Variants in HS6ST3 observed in about 807,000 individuals in gnomAD.
HS6ST3 encodes the protein heparan sulfate 6-O-sulfotransferase 3, also known as heparan-sulfate 6-O-sulfotransferase 3.
A neutral mutation model predicts 36.7 loss-of-function variants in HS6ST3; 12 were observed. The observed-to-expected ratio is 0.33, with a 90% CI of 0.21 to 0.53. The LOEUF (loss-of-function observed/expected upper bound fraction) is 0.53. HS6ST3 is among the 20% of genes least tolerant of loss of function. The pLI is 0.95. For missense variants in HS6ST3, 584 were observed against 640.9 expected, an observed-to-expected ratio of 0.91 and a Z score of 0.96; for synonymous variants, 240 against 257.5, an observed-to-expected ratio of 0.93 and a Z score of 0.65.
chr13:96,655,610 A>G (rs2056622008), intron 1 of HS6ST3, among the ~76,000 whole-genome samples: 1 of 152,144 alleles, frequency 6.6e-6, no homozygotes, highest in Non-Finnish European at 1.5e-5. Context: ...AGCCATCTCT[A>G]GGAAAAAAAA....
At chr13:96,190,507 T>TATTC (rs374761040) in intron 1 of HS6ST3, among the ~76,000 whole-genome samples, 205 of 152,284 alleles carry the variant, frequency 1.3e-3, no homozygotes, top group South Asian at 2.5e-3. Flanking sequence ...TGCAATCAGT[T>TATTC]ATTCATTCAT....
chr13:96,308,142 T>G (rs2139407630), intron 1 of HS6ST3, among the ~76,000 whole-genome samples: 1 of 152,244 alleles, frequency 6.6e-6, no homozygotes, highest in East Asian at 1.9e-4. Context: ...AAAATAGTTA[T>G]TCTTATATTT....
intron 1 of HS6ST3, among the ~76,000 whole-genome samples, chr13:96,141,305 C>T (rs957212192): frequency 6.6e-6 from 1 of 152,046 alleles, no homozygotes; most frequent in Non-Finnish European, 1.5e-5. Context: ...TCCAAAGATG[C>T]TTTATTCCTA....
chr13:96,758,018 C>T (rs994836396), intron 1 of HS6ST3, among the ~76,000 whole-genome samples: 6 of 151,836 alleles, frequency 4.0e-5, no homozygotes, highest in Admixed American at 2.0e-4. Flanking sequence ...TATAAATTGG[C>T]GTTTCTGCCT....
At chr13:96,208,281 T>C (rs2054381966) in intron 1 of HS6ST3, among the ~76,000 whole-genome samples, 1 of 152,178 alleles carries the variant, frequency 6.6e-6, no homozygotes, top group African/African-American at 2.4e-5. Flanking sequence ...CTTTTAATGA[T>C]TACAAAGGAT....
intron 1 of HS6ST3, among the ~76,000 whole-genome samples, chr13:96,242,867 A>G (rs116295983): frequency 0.012 from 1,759 of 152,342 alleles, 35 homozygotes; most frequent in African/African-American, 0.041. Context: ...ACTATCTCCA[A>G]AAGATATCGG....
At chr13:96,432,285 C>G (rs1353479509) in intron 1 of HS6ST3, among the ~76,000 whole-genome samples, 1 of 152,178 alleles carries the variant, frequency 6.6e-6, no homozygotes, top group Non-Finnish European at 1.5e-5. Flanking sequence ...GTACAGATTA[C>G]ATTTACTATA....
At chr13:96,328,523 G>A (rs1239441860) in intron 1 of HS6ST3, among the ~76,000 whole-genome samples, 3 of 152,144 alleles carry the variant, frequency 2.0e-5, no homozygotes, top group South Asian at 2.1e-4. Flanking sequence ...GCATCCCAGG[G>A]ATGAAGCCCA....
At chr13:96,675,150 A>G (rs1218503242) in intron 1 of HS6ST3, among the ~76,000 whole-genome samples, 3 of 152,174 alleles carry the variant, frequency 2.0e-5, no homozygotes, top group African/African-American at 7.2e-5. Context: ...GAAACGAAAC[A>G]TAATATACAT....
intron 1 of HS6ST3, among the ~76,000 whole-genome samples, chr13:96,713,614 T>G (rs1367895622): frequency 6.6e-6 from 1 of 152,214 alleles, no homozygotes; most frequent in Non-Finnish European, 1.5e-5. Context: ...GGCATGTGCA[T>G]TCAACAATTT....
chr13:96,706,211 C>T (rs1156828653), intron 1 of HS6ST3, among the ~76,000 whole-genome samples: 1 of 151,778 alleles, frequency 6.6e-6, no homozygotes, highest in Admixed American at 6.6e-5. Flanking sequence ...CCCCTAGGAC[C>T]ATATGCCCCT....
intron 1 of HS6ST3, among the ~76,000 whole-genome samples, chr13:96,373,089 T>G (rs2055297816): frequency 6.6e-6 from 1 of 152,134 alleles, no homozygotes; most frequent in Non-Finnish European, 1.5e-5. Context: ...TTTAATCCCT[T>G]TTTCTATCTT....
At chr13:96,396,091 A>G (rs1020754237) in intron 1 of HS6ST3, among the ~76,000 whole-genome samples, 1 of 152,032 alleles carries the variant, frequency 6.6e-6, no homozygotes, top group African/African-American at 2.4e-5. Flanking sequence ...AGGTGGGCGG[A>G]TCACTTGAGG....
chr13:96,542,931 A>C (rs2056183844), intron 1 of HS6ST3, among the ~76,000 whole-genome samples: 1 of 152,122 alleles, frequency 6.6e-6, no homozygotes, highest in Non-Finnish European at 1.5e-5. Flanking sequence ...ATGAGAGGAG[A>C]TATGATGGTG....
intron 1 of HS6ST3, among the ~76,000 whole-genome samples, chr13:96,440,747 G>T (rs556293955): frequency 5.9e-5 from 9 of 152,026 alleles, no homozygotes; most frequent in African/African-American, 1.9e-4. Context: ...AGACTACAGT[G>T]GTTTGACTTA....
intron 1 of HS6ST3, among the ~76,000 whole-genome samples, chr13:96,478,256 T>TTTAA (rs1017577749): frequency 1.3e-5 from 2 of 152,182 alleles, no homozygotes; most frequent in African/African-American, 4.8e-5. Flanking sequence ...TTTATTTGTG[T>TTTAA]TTATTAACTG....
chr13:96,542,940 T>C (rs1376347778), intron 1 of HS6ST3, among the ~76,000 whole-genome samples: 1 of 152,172 alleles, frequency 6.6e-6, no homozygotes, highest in Non-Finnish European at 1.5e-5. Context: ...GATATGATGG[T>C]GGTTCCTGCT....
At chr13:96,709,156 C>T (rs980011715) in intron 1 of HS6ST3, among the ~76,000 whole-genome samples, 1 of 152,198 alleles carries the variant, frequency 6.6e-6, no homozygotes, top group Admixed American at 6.5e-5. Context: ...TGGCTCTTCT[C>T]TCTTCACTCA....
chr13:96,484,530 C>G (rs866424780), intron 1 of HS6ST3, among the ~76,000 whole-genome samples: 17 of 152,210 alleles, frequency 1.1e-4, no homozygotes, highest in South Asian at 2.1e-4. Context: ...CCGCCACCAA[C>G]TACCATTGTA....
Sources: allele counts gnomAD v4.1 joint callset (sites outside exome capture counted in the v4.1 genomes callset), GRCh38; gene constraint gnomAD v4.1.1; transcripts MANE v1.5; gene names NCBI Gene and HGNC (gene_info 2026-07-23, HGNC 2026-07-21).